Variants in LRBA observed in about 807,000 individuals in gnomAD.
LRBA encodes the protein LPS responsive beige-like anchor protein.
Under a neutral mutation model 330.0 loss-of-function variants are expected in LRBA, and 176 were observed. The ratio of observed to expected loss-of-function variants is 0.53; its 90% CI spans 0.47 to 0.60. The LOEUF (loss-of-function observed/expected upper bound fraction) is 0.60, where lower values mean the gene tolerates loss of function less well. LRBA is among the 20% of genes least tolerant of loss of function. The pLI is 0.00. For synonymous variants in LRBA, 1,230 were observed against 1,193.0 expected (o/e 1.03, Z -0.64); for missense variants, 3,259 against 3,444.8 (o/e 0.95, Z 1.35).
chr4:150,691,518 C>T (rs902299029), intron 36 of LRBA, among the ~76,000 whole-genome samples: 3 of 152,018 alleles, frequency 2.0e-5, no homozygotes, highest in Admixed American at 6.6e-5. Context: ...CCCACTAGAC[C>T]GGCTGAAATT....
chr4:151,003,022 AT>A (rs756316000), intron 2 of LRBA, among the ~76,000 whole-genome samples: 24 of 138,326 alleles, frequency 1.7e-4, no homozygotes, highest in East Asian at 4.2e-4. Flanking sequence ...TCAAAAAAAA[AT>A]ATGTGTGTGT....
intron 16 of LRBA, among the ~76,000 whole-genome samples, chr4:150,895,431 C>T (rs1729955561): frequency 6.6e-6 from 1 of 152,060 alleles, no homozygotes; most frequent in Non-Finnish European, 1.5e-5. Flanking sequence ...TATCCCTCCC[C>T]GCTACCCCCA....
chr4:150,975,496 A>T (rs928208091), intron 2 of LRBA, among the ~76,000 whole-genome samples: 3 of 151,602 alleles, frequency 2.0e-5, no homozygotes, highest in African/African-American at 7.3e-5. Flanking sequence ...ACTGCACTTC[A>T]GCCTAAGTGA....
In LRBA at chr4:150,611,110, C is replaced by T. The variant is rs114403577; in HGVS notation, c.5922-11979G>A. 9.4e-4 allele frequency among the ~76,000 whole-genome samples: 143 copies of T among 152,222 alleles called. 3 individuals are homozygous for T. The highest frequency in any genetic ancestry group is 3.4e-3 in the African/African-American group (141 of 41,544). On this transcript the variant is annotated intron_variant, in intron 37 of 56. Coordinates refer to ENST00000651943, the MANE Select transcript of LRBA (RefSeq NM_001364905.1). Reference sequence around the variant, plus strand: ...AAGGTTGTTGTAAATAATCATGGGACTGAACAATCTATACGCAGAGACCAT... The same window carrying T: ...AAGGTTGTTGTAAATAATCATGGGATTGAACAATCTATACGCAGAGACCAT...
At chr4:150,294,184 A>G (rs771455408) in intron 53 of LRBA, among the ~76,000 whole-genome samples, 1 of 152,220 alleles carries the variant, frequency 6.6e-6, no homozygotes, top group Admixed American at 6.5e-5. Flanking sequence ...GCAAGTGTAT[A>G]CTTAAAAGTA....
At chr4:151,010,105 G>A (rs1269160220) in intron 2 of LRBA, among the ~76,000 whole-genome samples, 1 of 152,142 alleles carries the variant, frequency 6.6e-6, no homozygotes, top group African/African-American at 2.4e-5. Flanking sequence ...TGGAGCTTCT[G>A]AAAATTGTGG....
chr4:150,593,286 A>T (rs1773113452), intron 38 of LRBA, among the ~76,000 whole-genome samples: 1 of 152,204 alleles, frequency 6.6e-6, no homozygotes, highest in Admixed American at 6.5e-5. Flanking sequence ...AATAATAATA[A>T]GGCTAATATT....
intron 35 of LRBA, among the ~76,000 whole-genome samples, chr4:150,743,818 C>A (rs1350123626): frequency 6.6e-6 from 1 of 152,174 alleles, no homozygotes; most frequent in Non-Finnish European, 1.5e-5. Context: ...CCTTACATGT[C>A]TCTGTTCTTT....
At chr4:150,758,680 C>T (rs907720330) in intron 35 of LRBA, among the ~76,000 whole-genome samples, 2 of 150,668 alleles carry the variant, frequency 1.3e-5, no homozygotes, top group Non-Finnish European at 2.9e-5. Context: ...CTCAAGTGAT[C>T]CTCCTGCCTC....
At chr4:150,997,005 TA>T (rs1394469309) in intron 2 of LRBA, among the ~76,000 whole-genome samples, 18 of 152,238 alleles carry the variant, frequency 1.2e-4, no homozygotes, top group Non-Finnish European at 1.9e-4. Flanking sequence ...CATTCTATTA[TA>T]ACTGGATCAT....
intron 40 of LRBA, among the ~76,000 whole-genome samples, chr4:150,559,579 TATAA>T (rs1475453423): frequency 2.5e-5 from 3 of 119,920 alleles, no homozygotes; most frequent in East Asian, 2.1e-4. Flanking sequence ...TATATAAATA[TATAA>T]ATATTTATAA....
chr4:150,508,332 G>T (rs1411616963), intron 40 of LRBA, among the ~76,000 whole-genome samples: 3 of 151,332 alleles, frequency 2.0e-5, no homozygotes, highest in African/African-American at 7.3e-5. Context: ...ACCCAGGCTG[G>T]AGTGCAGTGG....
intron 48 of LRBA, among the ~76,000 whole-genome samples, chr4:150,337,659 GTAC>G (rs2126996879): frequency 6.6e-6 from 1 of 152,200 alleles, no homozygotes; most frequent in African/African-American, 2.4e-5. Flanking sequence ...TTGGCCAGAG[GTAC>G]TTCATGATTA....
chr4:150,270,783 T>C (rs2126707654), intron 56 of LRBA, among the ~76,000 whole-genome samples: 1 of 152,300 alleles, frequency 6.6e-6, no homozygotes, highest in Admixed American at 6.5e-5. Flanking sequence ...TGAGAGCTTT[T>C]AGGAAATAAG....
intron 40 of LRBA, among the ~76,000 whole-genome samples, chr4:150,575,296 C>A (rs762348517): frequency 6.6e-6 from 1 of 151,902 alleles, no homozygotes. Flanking sequence ...TTAACCACTA[C>A]AAGCAATCAG....
intron 37 of LRBA, among the ~76,000 whole-genome samples, chr4:150,611,864 C>A (rs1775298459): frequency 6.6e-6 from 1 of 152,152 alleles, no homozygotes; most frequent in African/African-American, 2.4e-5. Context: ...AGAACCACTG[C>A]TTTGGCATAC....
At chr4:150,423,484 G>T in intron 46 of LRBA, 1 of 546,584 alleles carries the variant, frequency 1.8e-6, no homozygotes, top group Non-Finnish European at 3.3e-6. Context: ...TCAAATCTAA[G>T]GAATAATTTC....
chr4:150,733,586 AC>A, intron 36 of LRBA, among the ~76,000 whole-genome samples: 1 of 151,764 alleles, frequency 6.6e-6, no homozygotes, highest in Non-Finnish European at 1.5e-5. Context: ...TCACACACAC[AC>A]ACACACACAC....
At chr4:150,893,182 T>A (rs1344721154) in intron 16 of LRBA, 33 bp from the exon 17 acceptor site, 4 of 1,332,504 alleles carry the variant, frequency 3.0e-6, no homozygotes, top group Admixed American at 4.1e-5. Flanking sequence ...TTTTAAAAAA[T>A]GAGGAAAAAA....
Sources: gnomAD v4.1 joint callset for allele counts (sites outside exome capture counted in the v4.1 genomes callset) on GRCh38, gnomAD v4.1.1 for gene constraint, MANE v1.5 for transcripts, NCBI Gene and HGNC (gene_info 2026-07-23, HGNC 2026-07-21) for gene names.